The following SMYD3 variants were observed in gnomAD, a reference collection of about 807,000 sequenced individuals.
SMYD3 encodes the protein SET and MYND domain containing 3, also known as histone-lysine N-methyltransferase SMYD3.
Under a neutral mutation model 57.7 loss-of-function variants are expected in SMYD3, and 36 were observed. That is an observed-to-expected ratio of 0.62 (90% confidence interval 0.48 to 0.82). The LOEUF is 0.82. Ranked by LOEUF, SMYD3 falls within the 40% of genes least tolerant of loss-of-function variation. The pLI is 0.00. For missense variants in SMYD3, 515 were observed against 538.8 expected, an observed-to-expected ratio of 0.96 and a Z score of 0.44; for synonymous variants, 211 against 195.0, an observed-to-expected ratio of 1.08 and a Z score of -0.68.
chr1:246,053,778 G>A (rs764692880), intron 5 of SMYD3, among the ~76,000 whole-genome samples: 14 of 150,090 alleles, frequency 9.3e-5, no homozygotes, highest in African/African-American at 2.4e-4. Flanking sequence ...AGTGAGACCC[G>A]ATCTCTATGG....
chr1:246,394,619 G>A (rs576892818), intron 1 of SMYD3, among the ~76,000 whole-genome samples: 2 of 152,290 alleles, frequency 1.3e-5, no homozygotes, highest in Non-Finnish European at 2.9e-5. Flanking sequence ...ACTGAACAAT[G>A]AACATAGCAG....
intron 2 of SMYD3, among the ~76,000 whole-genome samples, chr1:246,340,035 G>A (rs533524474): frequency 1.3e-5 from 2 of 152,270 alleles, no homozygotes; most frequent in East Asian, 3.9e-4. Flanking sequence ...GGCATTCCAT[G>A]AGTAGCTAAA....
At chr1:246,046,247 T>C (rs904864088) in intron 5 of SMYD3, among the ~76,000 whole-genome samples, 12 of 152,238 alleles carry the variant, frequency 7.9e-5, no homozygotes, top group African/African-American at 2.6e-4. Flanking sequence ...AATGATAGAC[T>C]AGATTAAGAA....
At chr1:246,437,452 T>C (rs1440679111) in intron 1 of SMYD3, among the ~76,000 whole-genome samples, 1 of 152,228 alleles carries the variant, frequency 6.6e-6, no homozygotes, top group Non-Finnish European at 1.5e-5. Context: ...TGTCTTTCCC[T>C]ACATCTGTCT....
Position 245,895,303 on chromosome 1 carries a change from C to T in SMYD3, c.813+20227G>A, listed in dbSNP as rs369613231. On this transcript the variant is annotated intron_variant, in intron 8 of 11. Coordinates refer to ENST00000490107, the MANE Select transcript of SMYD3 (RefSeq NM_001167740.2). The stretch of plus-strand genomic sequence containing the variant: ...CTAATTAAAAATGGGAATGAACACA[C>T]GCACACGCACGCACACACTTCTTCA... Among the ~76,000 whole-genome samples, 7 of 152,130 alleles carry T rather than the reference C, an allele frequency of 4.6e-5. No individual in the cohort carries two copies. The East Asian group carries it at 1.2e-3, about 25-fold the overall frequency.
At chr1:245,916,168 G>A (rs984395887) in intron 7 of SMYD3, among the ~76,000 whole-genome samples, 1 of 152,108 alleles carries the variant, frequency 6.6e-6, no homozygotes, top group African/African-American at 2.4e-5. Flanking sequence ...GAAAAAAAAG[G>A]GGGGGTAGAA....
intron 5 of SMYD3, among the ~76,000 whole-genome samples, chr1:246,119,727 T>C (rs1244789781): frequency 6.6e-6 from 1 of 152,134 alleles, no homozygotes; most frequent in Non-Finnish European, 1.5e-5. Context: ...ACACTCACTC[T>C]TGAACAACTC....
At chr1:245,821,482 A>G (rs1330538935) in intron 10 of SMYD3, among the ~76,000 whole-genome samples, 1 of 147,208 alleles carries the variant, frequency 6.8e-6, no homozygotes, top group Non-Finnish European at 1.5e-5. Flanking sequence ...GGACATAGGC[A>G]TGGGCAAGGA....
chr1:246,298,800 G>A (rs1370829010), intron 5 of SMYD3, among the ~76,000 whole-genome samples: 2 of 151,644 alleles, frequency 1.3e-5, no homozygotes, highest in Non-Finnish European at 2.9e-5. Flanking sequence ...AAAATTTCAT[G>A]GGGAAAAAAA....
rs185964576 is a variant in SMYD3, at chr1:246,126,114, C to T, written c.532-196177G>A. On this transcript the variant is annotated intron_variant, in intron 5 of 11. Coordinates refer to ENST00000490107, the MANE Select transcript of SMYD3 (RefSeq NM_001167740.2). ...AGCATTACTTACACACAGCGCAGTG[C>T]CGTGCCAAGCTAAATCATGGAGCAA... Among the ~76,000 whole-genome samples the T allele has an allele frequency of 2.9e-3, 449 of 152,308 alleles. 1 individual carries two copies. The highest frequency in any genetic ancestry group is 0.01 in the African/African-American group (430 of 41,578).
chr1:246,110,061 G>A (rs1434208082), intron 5 of SMYD3, among the ~76,000 whole-genome samples: 1 of 152,196 alleles, frequency 6.6e-6, no homozygotes, highest in Non-Finnish European at 1.5e-5. Context: ...ATATTTCCAA[G>A]CTATTTCTCA....
rs114311041 is a variant in SMYD3, at chr1:246,486,630, A to C, written c.164+20424T>G. ...TAGATGAAGAAAATGAAAATCAAAG[A>C]GATTAAGTGATTTGCCCAAGGTCAC... is the stretch of plus-strand genomic sequence containing the variant. On this transcript the variant is annotated intron_variant, in intron 1 of 11. Coordinates refer to ENST00000490107, the MANE Select transcript of SMYD3 (RefSeq NM_001167740.2). Among the ~76,000 whole-genome samples the C allele has an allele frequency of 1.0e-2, 1,516 of 152,306 alleles. 35 individuals carry two copies. The highest frequency in any genetic ancestry group is 0.034 in the African/African-American group (1,427 of 41,554).
intron 8 of SMYD3, among the ~76,000 whole-genome samples, chr1:245,887,514 C>A (rs1314849004): frequency 6.6e-6 from 1 of 152,140 alleles, no homozygotes; most frequent in Non-Finnish European, 1.5e-5. Flanking sequence ...GATCCAAGAA[C>A]CTTCTCTTGG....
rs6657241 is a variant in SMYD3 at position 245,797,679 on chromosome 1, T to C, written c.1077-33530A>G. 1.2e-3 allele frequency among the ~76,000 whole-genome samples: 179 copies of C among 151,766 alleles called. 1 individual carries two copies. The highest frequency in any genetic ancestry group is 4.2e-3 in the African/African-American group (174 of 41,326). ...CCCTAGAACTTAAAGTATAATTATA[T>C]ATAGATAGATAGATAGATATAAAGA... On this transcript the variant is annotated intron_variant, in intron 10 of 11. Coordinates refer to ENST00000490107, the MANE Select transcript of SMYD3 (RefSeq NM_001167740.2).
intron 5 of SMYD3, among the ~76,000 whole-genome samples, chr1:246,192,875 C>A (rs2062762340): frequency 6.7e-6 from 1 of 150,156 alleles, no homozygotes; most frequent in Non-Finnish European, 1.5e-5. Context: ...GTAATGCATT[C>A]ATTGCTTTTA....
intron 5 of SMYD3, among the ~76,000 whole-genome samples, chr1:246,226,551 A>C (rs1456008040): frequency 3.3e-5 from 5 of 152,088 alleles, no homozygotes; most frequent in African/African-American, 1.2e-4. Flanking sequence ...ACTGACTAAA[A>C]CTTCTTCACT....
At chr1:246,434,934 T>C (rs902443643) in intron 1 of SMYD3, among the ~76,000 whole-genome samples, 1 of 152,110 alleles carries the variant, frequency 6.6e-6, no homozygotes, top group African/African-American at 2.4e-5. Flanking sequence ...AAAGAAAACA[T>C]GGGGTGTGTG....
chr1:246,280,353 T>A (rs1048330463), intron 5 of SMYD3, among the ~76,000 whole-genome samples: 1 of 152,240 alleles, frequency 6.6e-6, no homozygotes, highest in Non-Finnish European at 1.5e-5. Flanking sequence ...CACTTGTCAG[T>A]ACAAGCCAGT....
intron 5 of SMYD3, among the ~76,000 whole-genome samples, chr1:246,242,681 G>T (rs1279822031): frequency 6.6e-6 from 1 of 151,524 alleles, no homozygotes; most frequent in African/African-American, 2.4e-5. Flanking sequence ...AGACCCATCA[G>T]TGTGCTGTAT....
Sources: allele counts gnomAD v4.1 joint callset (sites outside exome capture counted in the v4.1 genomes callset), GRCh38; gene constraint gnomAD v4.1.1; transcripts MANE v1.5; gene names NCBI Gene and HGNC (gene_info 2026-07-23, HGNC 2026-07-21).